Variants in ST3GAL2 observed in about 807,000 individuals in gnomAD.
ST3GAL2 encodes ST3 beta-galactoside alpha-2,3-sialyltransferase 2.
A neutral mutation model predicts 37.5 loss-of-function variants in ST3GAL2; 16 were observed. That is an observed-to-expected ratio of 0.43 (90% CI 0.29 to 0.65). ST3GAL2 has a LOEUF of 0.65. Among genes scored for constraint, ST3GAL2 ranks in the 30% least tolerant of loss-of-function variants. ST3GAL2 has a pLI of 0.17. For synonymous variants in ST3GAL2, 238 were observed against 202.9 expected, an observed-to-expected ratio of 1.17 and a Z score of -1.47; for missense variants, 383 against 487.8, an observed-to-expected ratio of 0.79 and a Z score of 2.02.
chr16:70,403,484 C>T (rs1305206355), intron 1 of ST3GAL2, among the ~76,000 whole-genome samples: 1 of 152,024 alleles, frequency 6.6e-6, no homozygotes, highest in Non-Finnish European at 1.5e-5. Context: ...GAGTTTGAGA[C>T]CAGCCTGGGC....
At chr16:70,419,629 G>A (rs1377358301) in intron 1 of ST3GAL2, among the ~76,000 whole-genome samples, 2 of 152,216 alleles carry the variant, frequency 1.3e-5, no homozygotes, top group East Asian at 3.8e-4. Context: ...TGGGACATGA[G>A]GCCCTGGGTG....
chr16:70,420,369 T>C (rs576872714), intron 1 of ST3GAL2, among the ~76,000 whole-genome samples: 1 of 152,204 alleles, frequency 6.6e-6, no homozygotes, highest in Non-Finnish European at 1.5e-5. Context: ...GCCAATCACC[T>C]GGGAGACCTA....
chr16:70,405,031 C>CAA (rs370157293), intron 1 of ST3GAL2, among the ~76,000 whole-genome samples: 10 of 69,834 alleles, frequency 1.4e-4, no homozygotes, highest in East Asian at 4.9e-4. Context: ...GACTCCATCT[C>CAA]AAAAAAAAAA....
In ST3GAL2 at chr16:70,388,383, T is replaced by C. The variant is rs756569154; in HGVS notation, c.697A>G (p.Thr233Ala). ...DLLWIASALSTGQIRFTYAPV... is the reference protein window; with the variant it reads ...DLLWIASALSAGQIRFTYAPV... ...GAAGCTCACAATCGGATCTGCCCCG[T>C]GGACAAGGCGCTGGCGATCCACAGA... The change falls in exon 4 of 7, where the codon ACG becomes GCG. Residue 233 changes from threonine (T) to alanine (A), a missense_variant. Around this residue, in one of 2 missense-constraint regions of ST3GAL2, gnomAD observed 160 missense variants for 248.6 expected, o/e 0.64. Coordinates refer to ENST00000342907, the MANE Select transcript of ST3GAL2 (RefSeq NM_006927.4). The C allele has an allele frequency of 6.2e-7, 1 of 1,614,152 alleles. No homozygotes were observed. The highest frequency in any genetic ancestry group is 1.7e-5 in the Admixed American group (1 of 60,002).
chr16:70,386,882 G>A (rs1050303408), intron 4 of ST3GAL2, among the ~76,000 whole-genome samples: 6 of 152,110 alleles, frequency 3.9e-5, no homozygotes, highest in African/African-American at 1.4e-4. Context: ...CTGACCTTGT[G>A]ATCCACCCGC....
chr16:70,409,055 GC>G (rs2151668883), intron 1 of ST3GAL2, among the ~76,000 whole-genome samples: 1 of 152,126 alleles, frequency 6.6e-6, no homozygotes, highest in Admixed American at 6.5e-5. Context: ...TCAGGAGGGA[GC>G]CCCACTGTGT....
chr16:70,416,442 A>G (rs1299631646), intron 1 of ST3GAL2, among the ~76,000 whole-genome samples: 2 of 152,204 alleles, frequency 1.3e-5, no homozygotes, highest in African/African-American at 2.4e-5. Context: ...AAGAACCCTA[A>G]GAACTCTCAG....
At chr16:70,420,753 G>A (rs566518423) in intron 1 of ST3GAL2, among the ~76,000 whole-genome samples, 1 of 152,278 alleles carries the variant, frequency 6.6e-6, no homozygotes, top group South Asian at 2.1e-4. Flanking sequence ...TTTTGGAAAG[G>A]TCAGCCTGTG....
intron 1 of ST3GAL2, among the ~76,000 whole-genome samples, chr16:70,412,450 C>G (rs559520470): frequency 9.9e-5 from 15 of 152,154 alleles, no homozygotes; most frequent in Admixed American, 5.2e-4. Flanking sequence ...TTGAGACCAA[C>G]CTGGGCAACA....
intron 1 of ST3GAL2, among the ~76,000 whole-genome samples, chr16:70,420,023 CCT>C: frequency 7.0e-6 from 1 of 143,116 alleles, no homozygotes; most frequent in African/African-American, 2.9e-5. Flanking sequence ...CCCCCCCTTC[CCT>C]TTTTTTTTTT....
In ST3GAL2 at chr16:70,377,463, G is replaced by A. The variant is rs1345549707; in HGVS notation, c.*4226C>T. 1.4e-5 allele frequency: 2 copies of A among 146,032 alleles called. No individual in the cohort carries two copies. Among genetic ancestry groups the A allele is most frequent in the Admixed American group, 6.8e-5 (1 of 14,602 alleles). The allele number at this position is 146,032 out of a possible 1,614,324, so 9.0% of individuals were successfully genotyped here. On this transcript the variant is annotated 3_prime_UTR_variant, in exon 7 of 7. Transcript: ENST00000342907. ...CCACTGCATTCCAGCCTGGGCAATGGAGAGAGACTCCATCTGAAAAAAAAA... is the reference window on the plus strand; with the variant it reads ...CCACTGCATTCCAGCCTGGGCAATGAAGAGAGACTCCATCTGAAAAAAAAA...
intron 2 of ST3GAL2, 50 bp from the exon 3 acceptor site, chr16:70,395,225 A>C: frequency 1.3e-6 from 2 of 1,547,350 alleles, no homozygotes; most frequent in Non-Finnish European, 1.7e-6. Context: ...GAGGTGTGTG[A>C]AGAAGGAGGG....
intron 3 of ST3GAL2, among the ~76,000 whole-genome samples, chr16:70,390,215 C>G (rs1325298109): frequency 6.6e-6 from 1 of 152,188 alleles, no homozygotes; most frequent in Non-Finnish European, 1.5e-5. Flanking sequence ...GCTGGGACCA[C>G]AGGTCTGCAT....
chr16:70,405,366 C>A (rs543780335), intron 1 of ST3GAL2, among the ~76,000 whole-genome samples: 2 of 151,454 alleles, frequency 1.3e-5, no homozygotes, highest in South Asian at 2.1e-4. Flanking sequence ...ATGGTGAAAC[C>A]CCATCTCTAC....
At chr16:70,391,694 G>C (rs977862330) in intron 3 of ST3GAL2, among the ~76,000 whole-genome samples, 6 of 152,224 alleles carry the variant, frequency 3.9e-5, no homozygotes, top group African/African-American at 1.4e-4. Flanking sequence ...GGGTAGGCAG[G>C]GGGTAGAGGA....
chr16:70,403,048 T>C (rs2047566595), intron 1 of ST3GAL2, among the ~76,000 whole-genome samples: 1 of 152,232 alleles, frequency 6.6e-6, no homozygotes, highest in African/African-American at 2.4e-5. Context: ...AAAATGCTTT[T>C]AGGTTAAAAC....
At chr16:70,383,048 G>A (rs2047417022) in intron 5 of ST3GAL2, 124 bp from the exon 6 acceptor site, 1 of 1,582,994 alleles carries the variant, frequency 6.3e-7, no homozygotes, top group Admixed American at 1.8e-5. Flanking sequence ...TGAATCGTGT[G>A]GCACCTGCTA....
chr16:70,387,956 T>C (rs1567666128), intron 4 of ST3GAL2, among the ~76,000 whole-genome samples: 1 of 151,674 alleles, frequency 6.6e-6, no homozygotes, highest in South Asian at 2.1e-4. Context: ...TCTACTAAAA[T>C]ACAAAATTAG....
Position 70,436,055 on chromosome 16 carries a change from G to A in ST3GAL2, c.-1004+2894C>T, listed in dbSNP as rs1226741634. Among the ~76,000 whole-genome samples the A allele has an allele frequency of 3.3e-5, 5 of 151,914 alleles. No homozygotes were observed. The East Asian group carries it at 9.7e-4, about 29-fold the overall frequency. ...GCAGGAGAATAGCCTGAACCTGGGA[G>A]GCGGAGGTTGCAGTGAGCTGAGATC... On this transcript the variant is annotated intron_variant, in intron 1 of 6. Transcript: ENST00000342907.
Sources: allele counts gnomAD v4.1 joint callset (sites outside exome capture counted in the v4.1 genomes callset), GRCh38; gene constraint gnomAD v4.1.1; regional missense constraint gnomAD v4.1.1; transcripts MANE v1.5; gene names NCBI Gene and HGNC (gene_info 2026-07-23, HGNC 2026-07-21).